Variants in STK32A observed in about 807,000 individuals in gnomAD.
STK32A encodes serine/threonine kinase 32A, also known as serine/threonine-protein kinase 32A.
Under a neutral mutation model 53.2 loss-of-function variants are expected in STK32A, and 41 were observed. The observed-to-expected ratio is 0.77, with a 90% CI of 0.60 to 1.00. STK32A has a LOEUF of 1.00. Among genes scored for constraint, STK32A ranks in the 50% least tolerant of loss-of-function variants. STK32A has a pLI of 0.00. For synonymous variants in STK32A, 166 were observed against 162.8 expected (o/e 1.02, Z -0.15); for missense variants, 458 against 485.8 (o/e 0.94, Z 0.54).
intron 7 of STK32A, among the ~76,000 whole-genome samples, chr5:147,353,629 G>T (rs1372563972): frequency 6.6e-6 from 1 of 152,050 alleles, no homozygotes; most frequent in Admixed American, 6.6e-5. Context: ...GCATGGTGGC[G>T]TGCATCTGTA....
At position 147,250,941 on chromosome 5, in the gene STK32A, CAAAAA is replaced by C. The variant is rs71001422; in HGVS notation, c.52+11271_52+11275del. 7.9e-4 allele frequency among the ~76,000 whole-genome samples: 80 copies of C among 101,144 alleles called. 1 individual carries two copies. Among genetic ancestry groups the C allele is most frequent in the African/African-American group, 2.5e-3 (66 of 26,506 alleles). 66.4% of individuals were successfully genotyped at this position (101,144 alleles called of 152,430 possible). ...TGGGCAACAGAGCAAGACTCCATCT[CAAAAA>C]AAAAAAAAAAAAAAAGAATGCAGAT... On this transcript the variant is annotated intron_variant, in intron 2 of 12. Coordinates refer to ENST00000397936, the MANE Select transcript of STK32A (RefSeq NM_001112724.2).
intron 2 of STK32A, among the ~76,000 whole-genome samples, chr5:147,241,342 G>A (rs937117154): frequency 1.3e-5 from 2 of 152,192 alleles, no homozygotes; most frequent in Non-Finnish European, 2.9e-5. Context: ...AGCCGGGCGT[G>A]GTGGTGGACG....
downstream of STK32A, among the ~76,000 whole-genome samples, chr5:147,388,131 C>G (rs148819282): frequency 6.6e-6 from 1 of 152,328 alleles, no homozygotes; most frequent in East Asian, 1.9e-4. Flanking sequence ...ATTCCAGTTT[C>G]TGCCTTTCAC....
chr5:147,252,469 G>A (rs985251775), intron 2 of STK32A, among the ~76,000 whole-genome samples: 1 of 152,088 alleles, frequency 6.6e-6, no homozygotes, highest in Non-Finnish European at 1.5e-5. Flanking sequence ...ATATGATATC[G>A]AGGCTGTCAT....
intron 7 of STK32A, among the ~76,000 whole-genome samples, chr5:147,358,527 C>T (rs1356018889): frequency 6.6e-6 from 1 of 152,008 alleles, no homozygotes; most frequent in Non-Finnish European, 1.5e-5. Context: ...TGAAAATAAC[C>T]CAAATGGCTA....
At chr5:147,396,429 G>T in the STK32A span, among the ~76,000 whole-genome samples, 1 of 152,164 alleles carries the variant, frequency 6.6e-6, no homozygotes, top group African/African-American at 2.4e-5. Flanking sequence ...AACACTGCAA[G>T]ACCACCCATG....
At chr5:147,389,395 T>G (rs1216545264), downstream of STK32A, among the ~76,000 whole-genome samples, 1 of 152,168 alleles carries the variant, frequency 6.6e-6, no homozygotes, top group African/African-American at 2.4e-5. Flanking sequence ...GCCAGGTATG[T>G]TATCCGGTGT....
chr5:147,314,522 A>C (rs527537501), intron 4 of STK32A, among the ~76,000 whole-genome samples: 1,199 of 19,380 alleles, frequency 0.062, 93 homozygotes, highest in East Asian at 0.16. Context: ...AAAAACAAAA[A>C]AAAACAAAAA....
intron 11 of STK32A, chr5:147,382,765 C>T (rs935342636): frequency 6.6e-6 from 1 of 152,106 alleles, no homozygotes; most frequent in African/African-American, 2.4e-5. Context: ...TTTGAATGTC[C>T]CAGCCTTTCA....
chr5:147,356,694 A>T (rs1172805108), intron 7 of STK32A, among the ~76,000 whole-genome samples: 3 of 152,178 alleles, frequency 2.0e-5, no homozygotes, highest in African/African-American at 7.2e-5. Flanking sequence ...CCAAAATCCA[A>T]AACATTTTGA....
At chr5:147,374,129 GA>G (rs888060662) in intron 10 of STK32A, among the ~76,000 whole-genome samples, 12 of 150,706 alleles carry the variant, frequency 8.0e-5, no homozygotes, top group Non-Finnish European at 1.2e-4. Context: ...TACAGAAAAA[GA>G]AAAAAAAATT....
intron 2 of STK32A, among the ~76,000 whole-genome samples, chr5:147,269,457 T>C (rs954808534): frequency 3.3e-5 from 5 of 152,210 alleles, no homozygotes; most frequent in African/African-American, 1.2e-4. Flanking sequence ...TGAAATCCTC[T>C]CTGGACTGGA....
At chr5:147,279,611 G>C (rs186805318) in intron 4 of STK32A, among the ~76,000 whole-genome samples, 15 of 152,286 alleles carry the variant, frequency 9.8e-5, no homozygotes, top group Admixed American at 9.8e-4. Context: ...GGGAGCATGG[G>C]TGAACTCCAG....
intron 10 of STK32A, 101 bp from the exon 11 acceptor site, chr5:147,374,989 A>T: frequency 9.4e-7 from 1 of 1,058,480 alleles, no homozygotes; most frequent in Non-Finnish European, 1.3e-6. Flanking sequence ...TTATTCATGG[A>T]CTGCTCCGTT....
chr5:147,268,068 T>A (rs1393011194), intron 2 of STK32A, among the ~76,000 whole-genome samples: 2 of 152,206 alleles, frequency 1.3e-5, no homozygotes, highest in Non-Finnish European at 2.9e-5. Flanking sequence ...AATCTGAATT[T>A]AAAAACATGT....
At chr5:147,249,326 A>G (rs1753881744) in intron 2 of STK32A, among the ~76,000 whole-genome samples, 1 of 152,176 alleles carries the variant, frequency 6.6e-6, no homozygotes, top group African/African-American at 2.4e-5. Flanking sequence ...GTGAGAATAA[A>G]AAAATTGTCC....
At chr5:147,306,049 T>C (rs78386091) in intron 4 of STK32A, among the ~76,000 whole-genome samples, 5 of 151,908 alleles carry the variant, frequency 3.3e-5, no homozygotes, top group Non-Finnish European at 7.4e-5. Flanking sequence ...AAAGAGCTTG[T>C]GCCAGTTTAT....
intron 2 of STK32A, among the ~76,000 whole-genome samples, chr5:147,264,965 A>C (rs2151948629): frequency 6.6e-6 from 1 of 152,010 alleles, no homozygotes; most frequent in South Asian, 2.1e-4. Context: ...AAACTTGAAA[A>C]AATGAAAACA....
intron 11 of STK32A, among the ~76,000 whole-genome samples, chr5:147,377,869 G>A (rs1350027865): frequency 1.3e-5 from 2 of 151,890 alleles, no homozygotes; most frequent in Non-Finnish European, 2.9e-5. Context: ...TCAGAGATGG[G>A]GCTTGGAACT....
Sources: allele counts gnomAD v4.1 joint callset (sites outside exome capture counted in the v4.1 genomes callset), GRCh38; gene constraint gnomAD v4.1.1; transcripts MANE v1.5; gene names NCBI Gene and HGNC (gene_info 2026-07-23, HGNC 2026-07-21).